The following MLLT3 variants were observed in gnomAD, a reference collection of about 807,000 sequenced individuals.
MLLT3 encodes MLLT3 super elongation complex subunit.
A neutral mutation model predicts 53.2 loss-of-function variants in MLLT3; 4 were observed. The ratio of observed to expected loss-of-function variants is 0.08; its 90% CI spans 0.04 to 0.17. MLLT3 has a LOEUF of 0.17. Ranked by LOEUF, MLLT3 falls within the 10% of genes least tolerant of loss-of-function variation. MLLT3 has a pLI of 1.00. For synonymous variants in MLLT3, 283 were observed against 230.6 expected (o/e 1.23, Z -2.06); for missense variants, 569 against 684.0 (o/e 0.83, Z 1.87).
intron 4 of MLLT3, among the ~76,000 whole-genome samples, chr9:20,416,396 T>A (rs1822872881): frequency 6.6e-6 from 1 of 152,042 alleles, no homozygotes; most frequent in Non-Finnish European, 1.5e-5. Context: ...ATTTCTAATG[T>A]TAAGTATTAA....
intron 5 of MLLT3, among the ~76,000 whole-genome samples, chr9:20,379,897 T>C (rs1010662266): frequency 7.9e-5 from 12 of 151,932 alleles, no homozygotes; most frequent in African/African-American, 1.4e-4. Flanking sequence ...TTAAAACAAA[T>C]AGACACCATC....
intron 4 of MLLT3, among the ~76,000 whole-genome samples, chr9:20,445,676 A>C (rs1823676133): frequency 6.6e-6 from 1 of 152,202 alleles, no homozygotes; most frequent in African/African-American, 2.4e-5. Flanking sequence ...ATAAAAGAGA[A>C]GGAACCATAG....
chr9:20,615,313 A>T (rs1198091875), intron 2 of MLLT3, among the ~76,000 whole-genome samples: 1 of 144,352 alleles, frequency 6.9e-6, no homozygotes, highest in Non-Finnish European at 1.5e-5. Context: ...CAATGAGCTG[A>T]AATCACGCAA....
rs146033158 is a variant in MLLT3 at position 20,476,813 on chromosome 9, G to A, written c.194-20027C>T. 6.2e-3 allele frequency among the ~76,000 whole-genome samples: 948 copies of A among 152,186 alleles called. 7 individuals carry two copies. The highest frequency in any genetic ancestry group is 0.021 in the African/African-American group (854 of 41,532). ...GAATTCTCAATATTAAATAGAAATT[G>A]TTAAGAATGATTACAATCTAGAAAA... On this transcript the variant is annotated intron_variant, in intron 2 of 10. Coordinates refer to ENST00000380338, the MANE Select transcript of MLLT3 (RefSeq NM_004529.4).
chr9:20,600,106 T>C (rs1458665220), intron 2 of MLLT3, among the ~76,000 whole-genome samples: 1 of 148,256 alleles, frequency 6.7e-6, no homozygotes, highest in African/African-American at 2.5e-5. Flanking sequence ...TTATCAAACA[T>C]TTCACTTGCA....
chr9:20,379,352 A>C (rs1821852565), intron 5 of MLLT3, among the ~76,000 whole-genome samples: 1 of 152,098 alleles, frequency 6.6e-6, no homozygotes, highest in Non-Finnish European at 1.5e-5. Context: ...TTTAGAGGTT[A>C]TACCACAAAA....
chr9:20,518,204 G>C (rs987674029), intron 2 of MLLT3, among the ~76,000 whole-genome samples: 1 of 152,090 alleles, frequency 6.6e-6, no homozygotes, highest in Non-Finnish European at 1.5e-5. Context: ...AATTAGCCGG[G>C]CGTGGTGGCA....
chr9:20,465,217 T>A (rs1421085443), intron 2 of MLLT3, among the ~76,000 whole-genome samples: 1 of 151,986 alleles, frequency 6.6e-6, no homozygotes, highest in Non-Finnish European at 1.5e-5. Flanking sequence ...AAAAATTACA[T>A]GGTTCAGGAG....
chr9:20,583,088 G>A (rs1331798081), intron 2 of MLLT3, among the ~76,000 whole-genome samples: 1 of 152,136 alleles, frequency 6.6e-6, no homozygotes, highest in African/African-American at 2.4e-5. Context: ...TCACTTCCTA[G>A]ATACAATGGG....
intron 2 of MLLT3, among the ~76,000 whole-genome samples, chr9:20,469,938 C>G (rs1452101116): frequency 6.6e-6 from 1 of 151,892 alleles, no homozygotes; most frequent in African/African-American, 2.4e-5. Flanking sequence ...AATTCTAGAA[C>G]TATAAAATGT....
At chr9:20,587,663 C>T (rs1820009489) in intron 2 of MLLT3, among the ~76,000 whole-genome samples, 1 of 152,118 alleles carries the variant, frequency 6.6e-6, no homozygotes, top group African/African-American at 2.4e-5. Flanking sequence ...CTGTTCATGT[C>T]CTTTGCCCAC....
Position 20,342,090 on chromosome 9 carries a change from C to G in MLLT3, c.*4353G>C, listed in dbSNP as rs1478013023. ...CTCCCCATCTATTCTTCTTTAGAAA[C>G]AGCATCACTTCTTGAGAAAAGGCTA... On this transcript the variant is annotated 3_prime_UTR_variant, in exon 11 of 11. Transcript: ENST00000380338. The G allele has an allele frequency of 4.7e-6, 1 of 213,530 alleles. No homozygotes were observed. The allele number at this position is 213,530 out of a possible 1,614,324, so 13.2% of individuals were successfully genotyped here. A position where few individuals can be genotyped will look rare whatever the true frequency, so the allele number is the denominator to read the frequency against.
chr9:20,413,820 A>T lies in MLLT3; in HGVS notation c.1026T>A (p.Ser342Arg), dbSNP rs1337515175. The stretch of plus-strand genomic sequence containing the variant: ...TTGATTTCTTCTTCTCTGATGTCTC[A>T]CTTTCAATTTTGACCTTTCCCATCT... ...HVKMGKVKIE[S>R]ETSEKKKSTL... is the part of the protein sequence containing the mutation. Residue 342 changes from serine (S) to arginine (R), a missense_variant, in exon 5 of 11, where the codon AGT (serine) becomes AGA (arginine). Ser to Arg is a moderately radical substitution (Grantham distance 110). Around this residue, in one of 5 missense-constraint regions of MLLT3, gnomAD observed 437 missense variants for 376.5 expected, o/e 1.16. Coordinates refer to ENST00000380338, the MANE Select transcript of MLLT3 (RefSeq NM_004529.4). 1 of 1,614,024 alleles carries T rather than the reference A, an allele frequency of 6.2e-7. No homozygotes were observed. Among genetic ancestry groups the T allele is most frequent in the South Asian group, 1.1e-5 (1 of 91,074 alleles).
At chr9:20,603,846 C>T (rs975953730) in intron 2 of MLLT3, among the ~76,000 whole-genome samples, 1 of 152,050 alleles carries the variant, frequency 6.6e-6, no homozygotes, top group South Asian at 2.1e-4. Flanking sequence ...ATTTTATGTA[C>T]AGTGGCTGTG....
chr9:20,356,695 A>T (rs181948003), intron 8 of MLLT3, among the ~76,000 whole-genome samples: 4 of 152,324 alleles, frequency 2.6e-5, no homozygotes, highest in African/African-American at 9.6e-5. Context: ...TGACTTGAGG[A>T]CGCTGTATTT....
At chr9:20,414,548 A>T in intron 4 of MLLT3, 123 bp from the exon 5 acceptor site, 1 of 1,449,918 alleles carries the variant, frequency 6.9e-7, no homozygotes, top group Non-Finnish European at 9.2e-7. Flanking sequence ...TACCAAAAAT[A>T]TTTTAATATA....
chr9:20,423,618 G>C (rs1422730742), intron 4 of MLLT3, among the ~76,000 whole-genome samples: 1 of 151,056 alleles, frequency 6.6e-6, no homozygotes, highest in Admixed American at 6.6e-5. Context: ...TTCGAGACCA[G>C]CCTGGGCAAC....
chr9:20,585,382 C>G (rs1819926312), intron 2 of MLLT3, among the ~76,000 whole-genome samples: 2 of 152,190 alleles, frequency 1.3e-5, no homozygotes. Context: ...AAGGCTCTAT[C>G]TACAAATACA....
intron 2 of MLLT3, among the ~76,000 whole-genome samples, chr9:20,524,641 A>C (rs957140699): frequency 6.6e-6 from 1 of 152,188 alleles, no homozygotes; most frequent in African/African-American, 2.4e-5. Context: ...GTAAATAAAA[A>C]TTACTGTGGC....
Sources: gnomAD v4.1 joint callset for allele counts (sites outside exome capture counted in the v4.1 genomes callset) on GRCh38, gnomAD v4.1.1 for gene constraint, gnomAD v4.1.1 regional missense constraint, MANE v1.5 for transcripts, NCBI Gene and HGNC (gene_info 2026-07-23, HGNC 2026-07-21) for gene names.